Variants in SIMC1 observed in about 807,000 individuals in gnomAD.
SIMC1 encodes SUMO interacting motifs containing 1, also known as SUMO-interacting motif-containing protein 1.
Under a neutral mutation model 82.3 loss-of-function variants are expected in SIMC1, and 55 were observed. That is an observed-to-expected ratio of 0.67 (90% CI 0.54 to 0.84). The LOEUF is 0.84. SIMC1 is among the 40% of genes least tolerant of loss of function. The pLI is 0.00. For synonymous variants in SIMC1, 353 were observed against 426.3 expected (o/e 0.83, Z 2.12); for missense variants, 915 against 1,107.2 (o/e 0.83, Z 2.46).
chr5:176,290,469 G>A lies in SIMC1; in HGVS notation c.945G>A (p.Val315=). The A allele has an allele frequency of 6.2e-7, 1 of 1,613,868 alleles. No homozygotes were observed. The highest frequency in any genetic ancestry group is 8.5e-7 in the Non-Finnish European group (1 of 1,179,784). The change falls in exon 2 of 10, where the codon GTG becomes GTA. Residue 315 remains valine, a synonymous_variant. Transcript: ENST00000429602. ...LQDMPRSPGD[V]PQSPSDVSPS... ...ACATGCCACGGTCACCAGGAGATGT[G>A]CCACAGTCACCAAGTGATGTTTCAC... is the stretch of plus-strand genomic sequence containing the variant.
At chr5:176,258,670 TTATTAA>T (rs1444076460) in intron 1 of SIMC1, among the ~76,000 whole-genome samples, 20 of 150,486 alleles carry the variant, frequency 1.3e-4, no homozygotes, top group African/African-American at 4.9e-4. Flanking sequence ...GTTAGTGAAC[TTATTAA>T]TATAATATTC....
At chr5:176,318,080 G>A (rs770301488) in intron 5 of SIMC1, among the ~76,000 whole-genome samples, 2 of 152,146 alleles carry the variant, frequency 1.3e-5, no homozygotes, top group African/African-American at 4.8e-5. Flanking sequence ...CCATCAGTTC[G>A]ATTAGTTGTG....
At chr5:176,258,673 T>A (rs1463080673) in intron 1 of SIMC1, among the ~76,000 whole-genome samples, 1 of 150,346 alleles carries the variant, frequency 6.7e-6, no homozygotes, top group African/African-American at 2.4e-5. Flanking sequence ...AGTGAACTTA[T>A]TAATATAATA....
At chr5:176,255,730 A>AG (rs941940582) in intron 1 of SIMC1, among the ~76,000 whole-genome samples, 5 of 150,268 alleles carry the variant, frequency 3.3e-5, no homozygotes, top group Admixed American at 6.6e-5. Flanking sequence ...CTAAAAAAAA[A>AG]AAAAGAAAAG....
intron 1 of SIMC1, among the ~76,000 whole-genome samples, chr5:176,279,427 TCTGGA>T (rs1258056385): frequency 6.6e-6 from 1 of 152,018 alleles, no homozygotes; most frequent in Non-Finnish European, 1.5e-5. Flanking sequence ...AAAACCAGCT[TCTGGA>T]TTCATTAATT....
rs1763510361 is a variant in SIMC1 at position 176,290,551 on chromosome 5, T to C, written c.1027T>C (p.Leu343=). The C allele has an allele frequency of 6.2e-7, 1 of 1,613,748 alleles. No individual in the cohort carries two copies. The highest frequency in any genetic ancestry group is 1.3e-5 in the African/African-American group (1 of 74,872). The change falls in exon 2 of 10, where the codon TTA becomes CTA. Residue 343 remains leucine (L), a synonymous_variant. Transcript: ENST00000429602. ...GGMPHLPGDV[L]HSPGDMPHSS... Reference sequence around the variant, plus strand: ...CATGCCACACTTACCGGGAGATGTGTTACATTCACCTGGAGACATGCCACA... The same window carrying C: ...CATGCCACACTTACCGGGAGATGTGCTACATTCACCTGGAGACATGCCACA...
chr5:176,299,377 G>A lies in SIMC1; in HGVS notation c.1734+3057G>A, dbSNP rs190900335. ...CACTGCACTCCAGTTGGGTGACATA[G>A]CAAGACCCTGTCTCTAAAAAAAAAA... On this transcript the variant is annotated intron_variant, in intron 4 of 9. Transcript: ENST00000429602. Among the ~76,000 whole-genome samples the A allele has an allele frequency of 1.3e-3, 195 of 150,080 alleles. 1 individual carries two copies. The highest frequency in any genetic ancestry group is 4.6e-3 in the African/African-American group (189 of 40,818).
chr5:176,341,643 T>G (rs1766150683), intron 9 of SIMC1, among the ~76,000 whole-genome samples: 1 of 152,184 alleles, frequency 6.6e-6, no homozygotes, highest in Non-Finnish European at 1.5e-5. Context: ...CTTAAGTGAC[T>G]GAGTCTGAAG....
chr5:176,306,934 T>A (rs1350171848), intron 4 of SIMC1, among the ~76,000 whole-genome samples: 2 of 146,476 alleles, frequency 1.4e-5, no homozygotes, highest in Non-Finnish European at 3.0e-5. Context: ...AAAAAAAAAA[T>A]AATAAAGAAC....
intron 6 of SIMC1, among the ~76,000 whole-genome samples, chr5:176,324,201 A>C (rs765586944): frequency 3.3e-5 from 5 of 152,174 alleles, no homozygotes; most frequent in Non-Finnish European, 7.3e-5. Context: ...CAGTAACAGG[A>C]GAAAACTGTA....
chr5:176,305,641 C>T (rs75377911), intron 4 of SIMC1, among the ~76,000 whole-genome samples: 20 of 135,512 alleles, frequency 1.5e-4, no homozygotes, highest in Non-Finnish European at 1.8e-4. Context: ...CGCCTCTGCC[C>T]GGCTGCCCCT....
intron 1 of SIMC1, chr5:176,270,437 C>T (rs2113173967): frequency 1.3e-5 from 2 of 152,116 alleles, no homozygotes; most frequent in Non-Finnish European, 2.9e-5. Context: ...GAATAGAACC[C>T]TCCAGCATTT....
At position 176,308,682 on chromosome 5, in the gene SIMC1, G is replaced by A; in HGVS notation, c.1735-5009G>A. The A allele has an allele frequency of 3.2e-6, 5 of 1,550,072 alleles. No individual in the cohort carries two copies. In the South Asian group the frequency reaches 4.5e-5, roughly 14 times the overall value. On this transcript the variant is annotated intron_variant, in intron 4 of 9. Coordinates refer to ENST00000429602, the MANE Select transcript of SIMC1 (RefSeq NM_001308195.2). ...CTCCATTGAGGGCCAGAAGGAAGAG[G>A]AAAGGTATGAGAGAATCGAAATCCC...
chr5:176,253,434 G>A (rs367769623), intron 1 of SIMC1, among the ~76,000 whole-genome samples: 3 of 151,928 alleles, frequency 2.0e-5, no homozygotes, highest in African/African-American at 7.3e-5. Flanking sequence ...GCCTAGTCTC[G>A]AACTCCTGAC....
At chr5:176,293,151 T>C (rs143662382) in intron 2 of SIMC1, among the ~76,000 whole-genome samples, 2,275 of 152,166 alleles carry the variant, frequency 0.015, 22 homozygotes, top group Non-Finnish European at 0.02. Context: ...CAATTAAGTG[T>C]TCAGTGCTGG....
chr5:176,307,545 C>T (rs13153862), intron 4 of SIMC1, among the ~76,000 whole-genome samples: 77,484 of 151,836 alleles, frequency 0.51, 20,936 homozygotes, highest in Middle Eastern at 0.61. Context: ...GGACTACAGG[C>T]GCCCGCCACC....
chr5:176,294,198 T>C (rs898835603), intron 2 of SIMC1, among the ~76,000 whole-genome samples: 3 of 152,242 alleles, frequency 2.0e-5, no homozygotes, highest in African/African-American at 7.2e-5. Flanking sequence ...GATGAAATCA[T>C]GTTATATGTA....
At chr5:176,250,473 A>G (rs1357845501) in intron 1 of SIMC1, among the ~76,000 whole-genome samples, 1 of 152,220 alleles carries the variant, frequency 6.6e-6, no homozygotes, top group African/African-American at 2.4e-5. Flanking sequence ...GATGTCTATT[A>G]GGTCCACTTG....
chr5:176,268,556 A>G (rs1410986544), intron 1 of SIMC1, among the ~76,000 whole-genome samples: 1 of 151,792 alleles, frequency 6.6e-6, no homozygotes, highest in Non-Finnish European at 1.5e-5. Context: ...ACAAGACATC[A>G]ATACAAGGAA....
Sources: gnomAD v4.1 joint callset for allele counts (sites outside exome capture counted in the v4.1 genomes callset) on GRCh38, gnomAD v4.1.1 for gene constraint, MANE v1.5 for transcripts, NCBI Gene and HGNC (gene_info 2026-07-23, HGNC 2026-07-21) for gene names.